RAP1A: variants seen among roughly 807,000 people sequenced by gnomAD.
RAP1A encodes ras-related protein Rap-1A.
Under a neutral mutation model 26.4 loss-of-function variants are expected in RAP1A, and 6 were observed. The observed-to-expected ratio is 0.23, with a 90% CI of 0.12 to 0.45. The LOEUF (loss-of-function observed/expected upper bound fraction) is 0.45. RAP1A is among the 20% of genes least tolerant of loss of function. The probability of loss-of-function intolerance (pLI) is 0.99; values close to 1 mark genes in which losing one functional copy is unlikely to be tolerated. For missense variants in RAP1A, 121 were observed against 217.2 expected (o/e 0.56, Z 2.78); for synonymous variants, 73 against 79.4 (o/e 0.92, Z 0.43).
chr1:111,561,540 C>T (rs914054654), intron 1 of RAP1A, among the ~76,000 whole-genome samples: 3 of 152,114 alleles, frequency 2.0e-5, no homozygotes, highest in African/African-American at 7.2e-5. Flanking sequence ...GGAGGAAATA[C>T]AGACTGAGAT....
At chr1:111,683,240 A>G (rs1426131878) in intron 1 of RAP1A, among the ~76,000 whole-genome samples, 11 of 152,230 alleles carry the variant, frequency 7.2e-5, no homozygotes, top group Non-Finnish European at 4.4e-5. Flanking sequence ...TCAACACCCT[A>G]GCATCACAAT....
chr1:111,697,226 C>G (rs1425921575), intron 3 of RAP1A, among the ~76,000 whole-genome samples: 1 of 152,140 alleles, frequency 6.6e-6, no homozygotes, highest in African/African-American at 2.4e-5. Context: ...TATCTAAACT[C>G]AGCATTAACC....
chr1:111,598,640 C>T (rs992204034), intron 1 of RAP1A, among the ~76,000 whole-genome samples: 2 of 152,118 alleles, frequency 1.3e-5, no homozygotes, highest in Non-Finnish European at 2.9e-5. Context: ...CAACAATCAT[C>T]GCAGAAGACT....
intron 1 of RAP1A, among the ~76,000 whole-genome samples, chr1:111,571,199 A>C (rs1658041478): frequency 6.6e-6 from 1 of 152,226 alleles, no homozygotes; most frequent in African/African-American, 2.4e-5. Flanking sequence ...GGTGCAACTT[A>C]GGAATAGCCA....
At chr1:111,712,214 CCT>C (rs1455806252) in intron 7 of RAP1A, among the ~76,000 whole-genome samples, 4 of 151,998 alleles carry the variant, frequency 2.6e-5, no homozygotes, top group Admixed American at 1.3e-4. Flanking sequence ...GTTATAGACT[CCT>C]CTTGTAAACT....
At chr1:111,688,823 TTTTTTTTTTTG>T (rs1661579850) in intron 1 of RAP1A, among the ~76,000 whole-genome samples, 2 of 50,142 alleles carry the variant, frequency 4.0e-5, no homozygotes, top group Non-Finnish European at 9.6e-5. Context: ...TTTTTTTTTG[TTTTTTTTTTTG>T]TTTTTTTGTT....
chr1:111,672,193 C>G (rs909040213), intron 1 of RAP1A, among the ~76,000 whole-genome samples: 2 of 152,130 alleles, frequency 1.3e-5, no homozygotes, highest in African/African-American at 4.8e-5. Context: ...CTGTTAAATT[C>G]TATTCATGAT....
chr1:111,568,644 A>G (rs1571475560), intron 1 of RAP1A, among the ~76,000 whole-genome samples: 3 of 152,308 alleles, frequency 2.0e-5, no homozygotes, highest in Admixed American at 6.5e-5. Context: ...ATGCTGAAAG[A>G]GTTCTGGTAA....
chr1:111,667,724 A>G (rs1317379657), intron 1 of RAP1A, among the ~76,000 whole-genome samples: 2 of 152,262 alleles, frequency 1.3e-5, no homozygotes, highest in East Asian at 1.9e-4. Flanking sequence ...CTCACTGTGA[A>G]GAAGTGCATA....
chr1:111,642,388 A>G (rs1659917897), intron 1 of RAP1A, among the ~76,000 whole-genome samples: 1 of 152,150 alleles, frequency 6.6e-6, no homozygotes, highest in Non-Finnish European at 1.5e-5. Flanking sequence ...ACAGTTAATT[A>G]GTTTATTCCT....
In RAP1A at chr1:111,691,353, A is replaced by G. The variant is rs144405448; in HGVS notation, c.-8A>G. On this transcript the variant is annotated 5_prime_UTR_variant, in exon 2 of 8. Coordinates refer to ENST00000369709, the MANE Select transcript of RAP1A (RefSeq NM_002884.4). ...TTTCAGATCGTCAGTATTTAAACAG[A>G]TCACATCATGCGTGAGTACAAGCTA... The G allele has an allele frequency of 1.3e-4, 215 of 1,612,694 alleles. No individual in the cohort carries two copies. The East Asian group carries it at 4.5e-3, about 34-fold the overall frequency.
chr1:111,697,308 C>T (rs1661865134), intron 3 of RAP1A, 133 bp from the exon 4 acceptor site: 1 of 1,514,934 alleles, frequency 6.6e-7, no homozygotes, highest in Non-Finnish European at 8.8e-7. Context: ...AAGTTTACCC[C>T]CAGCCATTAC....
chr1:111,697,507 T>G lies in RAP1A; in HGVS notation c.183+10T>G. ...GGATACTGCAGGGACAGTAAGGATG[T>G]TTTCTCTTTTTTTGATAGATTTTAA... On this transcript the variant is annotated intron_variant, in intron 4 of 7. Transcript: ENST00000369709. The G allele has an allele frequency of 6.2e-7, 1 of 1,610,574 alleles. No homozygotes were observed. Among genetic ancestry groups the G allele is most frequent in the Non-Finnish European group, 8.5e-7 (1 of 1,178,488 alleles).
chr1:111,642,141 A>T (rs765140154), intron 1 of RAP1A, among the ~76,000 whole-genome samples: 2 of 152,170 alleles, frequency 1.3e-5, no homozygotes, highest in Non-Finnish European at 2.9e-5. Flanking sequence ...GCTACTTGGG[A>T]GGTTGAGGCA....
rs1198772989 is a variant in RAP1A at position 111,715,827 on chromosome 1, A to G, written c.*3426A>G. On this transcript the variant is annotated 3_prime_UTR_variant, in exon 8 of 8. Coordinates refer to ENST00000369709, the MANE Select transcript of RAP1A (RefSeq NM_002884.4). ...TAGAAGAATAGTAATAAGACATTCT[A>G]CATTTCCTGGACATGGCCAGTTTAA... The G allele has an allele frequency of 2.0e-5, 3 of 152,262 alleles. No individual in the cohort carries two copies. Among genetic ancestry groups the G allele is most frequent in the African/African-American group, 4.8e-5 (2 of 41,472 alleles). The allele number at this position is 152,262 out of a possible 1,614,324, so 9.4% of individuals were successfully genotyped here.
intron 1 of RAP1A, among the ~76,000 whole-genome samples, chr1:111,679,615 T>C (rs1390542753): frequency 6.6e-6 from 1 of 152,122 alleles, no homozygotes; most frequent in African/African-American, 2.4e-5. Context: ...GTGGTTTTGC[T>C]CAGCAGGTCC....
chr1:111,659,436 T>C (rs775634714), intron 1 of RAP1A, among the ~76,000 whole-genome samples: 3 of 152,012 alleles, frequency 2.0e-5, no homozygotes, highest in Non-Finnish European at 4.4e-5. Flanking sequence ...GGGTCTACTG[T>C]ATTTATATTT....
At chr1:111,705,808 C>T (rs1199864157) in intron 6 of RAP1A, among the ~76,000 whole-genome samples, 1 of 152,194 alleles carries the variant, frequency 6.6e-6, no homozygotes, top group African/African-American at 2.4e-5. Context: ...GCTAGCAGAA[C>T]AGTGACATGA....
intron 1 of RAP1A, among the ~76,000 whole-genome samples, chr1:111,599,346 C>A (rs1658623631): frequency 1.3e-5 from 2 of 152,172 alleles, no homozygotes; most frequent in Non-Finnish European, 2.9e-5. Context: ...GCTGGGACTA[C>A]AGGCGCATGC....
Sources: gnomAD v4.1 joint callset for allele counts (sites outside exome capture counted in the v4.1 genomes callset) on GRCh38, gnomAD v4.1.1 for gene constraint, MANE v1.5 for transcripts, NCBI Gene and HGNC (gene_info 2026-07-23, HGNC 2026-07-21) for gene names.